The following PARD3 variants were observed in gnomAD, a reference collection of about 807,000 sequenced individuals.
PARD3 encodes the protein par-3 family cell polarity regulator.
Under a neutral mutation model 155.4 loss-of-function variants are expected in PARD3, and 75 were observed. That is an observed-to-expected ratio of 0.48 (90% confidence interval 0.40 to 0.58). The LOEUF is 0.58. PARD3 is among the 20% of genes least tolerant of loss of function. The probability of loss-of-function intolerance (pLI) is 0.00; values close to 1 mark genes in which losing one functional copy is unlikely to be tolerated. For synonymous variants in PARD3, 576 were observed against 610.5 expected, an observed-to-expected ratio of 0.94 and a Z score of 0.83; for missense variants, 1,642 against 1,721.7, an observed-to-expected ratio of 0.95 and a Z score of 0.82.
intron 2 of PARD3, among the ~76,000 whole-genome samples, chr10:34,604,170 G>A (rs1322702513): frequency 2.0e-5 from 3 of 152,152 alleles, no homozygotes; most frequent in African/African-American, 7.2e-5. Context: ...CCAGTTTTCG[G>A]AGGAGAAGGA....
chr10:34,260,495 T>A (rs539503769), intron 22 of PARD3, among the ~76,000 whole-genome samples: 1 of 152,186 alleles, frequency 6.6e-6, no homozygotes, highest in Admixed American at 6.5e-5. Context: ...CAGGCACAGA[T>A]GTGGATGGGC....
chr10:34,500,006 G>C (rs1395374142), intron 3 of PARD3, among the ~76,000 whole-genome samples: 1 of 152,210 alleles, frequency 6.6e-6, no homozygotes, highest in Non-Finnish European at 1.5e-5. Context: ...AAAAAAGTCT[G>C]TACATGTTCA....
intron 2 of PARD3, among the ~76,000 whole-genome samples, chr10:34,605,429 A>G (rs1343707101): frequency 4.4e-4 from 65 of 146,758 alleles, no homozygotes; most frequent in Non-Finnish European, 8.2e-4. Context: ...TCCTGACCTC[A>G]TGATCCGCCC....
chr10:34,601,518 T>A (rs2089780196), intron 2 of PARD3, among the ~76,000 whole-genome samples: 1 of 152,162 alleles, frequency 6.6e-6, no homozygotes, highest in South Asian at 2.1e-4. Flanking sequence ...TAACTAGTTA[T>A]TTATGCTTTA....
intron 4 of PARD3, among the ~76,000 whole-genome samples, chr10:34,455,314 C>T (rs1336289103): frequency 6.6e-6 from 1 of 152,080 alleles, no homozygotes; most frequent in African/African-American, 2.4e-5. Flanking sequence ...TTCAAATATT[C>T]CCGTGTGATG....
At chr10:34,814,439 C>G (rs1844626434) in intron 1 of PARD3, among the ~76,000 whole-genome samples, 1 of 152,172 alleles carries the variant, frequency 6.6e-6, no homozygotes, top group South Asian at 2.1e-4. Flanking sequence ...TCTCCTCACA[C>G]CAAAAGTTCC....
chr10:34,606,844 G>A (rs974974324), intron 2 of PARD3, among the ~76,000 whole-genome samples: 4 of 151,418 alleles, frequency 2.6e-5, no homozygotes, highest in African/African-American at 9.7e-5. Flanking sequence ...GTGCACGCCT[G>A]TAGTCCCAGC....
chr10:34,302,322 T>G (rs1018515550), intron 20 of PARD3, among the ~76,000 whole-genome samples: 4 of 152,196 alleles, frequency 2.6e-5, no homozygotes, highest in Non-Finnish European at 5.9e-5. Context: ...ACCCACAAAG[T>G]ACTTACTTTG....
At chr10:34,210,260 G>A (rs980723148) in intron 22 of PARD3, among the ~76,000 whole-genome samples, 8 of 152,154 alleles carry the variant, frequency 5.3e-5, no homozygotes, top group Non-Finnish European at 1.5e-5. Context: ...AGGTGGTGGA[G>A]AGAAGAGGAA....
chr10:34,470,304 A>G (rs755130955), intron 3 of PARD3, 41 bp from the exon 4 acceptor site: 7 of 1,421,836 alleles, frequency 4.9e-6, no homozygotes, highest in South Asian at 1.5e-5. Context: ...TAAGATACTA[A>G]TGTTGGTAAA....
intron 22 of PARD3, among the ~76,000 whole-genome samples, chr10:34,265,816 C>A (rs1205573121): frequency 6.6e-6 from 1 of 152,192 alleles, no homozygotes; most frequent in East Asian, 1.9e-4. Flanking sequence ...CAGAAGCGGG[C>A]TGAACTTCGT....
chr10:34,516,180 A>G (rs1035911711), intron 3 of PARD3, among the ~76,000 whole-genome samples: 20 of 151,892 alleles, frequency 1.3e-4, no homozygotes, highest in African/African-American at 2.7e-4. Context: ...GGCCAGGCTG[A>G]TCTCAAACTC....
intron 2 of PARD3, among the ~76,000 whole-genome samples, chr10:34,687,735 A>G (rs1018426448): frequency 1.1e-4 from 16 of 152,058 alleles, no homozygotes; most frequent in Admixed American, 1.3e-4. Flanking sequence ...AAGATAGTAA[A>G]AGATGACAAC....
intron 2 of PARD3, among the ~76,000 whole-genome samples, chr10:34,581,234 CTTTTTTTT>C (rs779658592): frequency 9.9e-6 from 1 of 101,274 alleles, no homozygotes; most frequent in African/African-American, 4.2e-5. Context: ...TTTTTCTTTT[CTTTTTTTT>C]TTTTTTTTTT....
intron 19 of PARD3, among the ~76,000 whole-genome samples, chr10:34,319,747 T>C (rs1958264365): frequency 6.6e-6 from 1 of 152,206 alleles, no homozygotes; most frequent in South Asian, 2.1e-4. Context: ...AGGGCTGTAG[T>C]GTGTTGCTTA....
At chr10:34,679,900 A>G (rs1401471422) in intron 2 of PARD3, among the ~76,000 whole-genome samples, 3 of 152,090 alleles carry the variant, frequency 2.0e-5, no homozygotes, top group Non-Finnish European at 4.4e-5. Flanking sequence ...ATACAGACAC[A>G]CAGAGCAGAA....
At chr10:34,769,303 T>A (rs2134077836) in intron 1 of PARD3, among the ~76,000 whole-genome samples, 1 of 152,276 alleles carries the variant, frequency 6.6e-6, no homozygotes, top group South Asian at 2.1e-4. Flanking sequence ...CACAAGCTTA[T>A]CTGCCCACCC....
At chr10:34,757,313 G>T (rs1836865658) in intron 1 of PARD3, among the ~76,000 whole-genome samples, 1 of 152,192 alleles carries the variant, frequency 6.6e-6, no homozygotes, top group Non-Finnish European at 1.5e-5. Context: ...CTGGTTAACA[G>T]AAAGTTGCAA....
intron 22 of PARD3, among the ~76,000 whole-genome samples, chr10:34,236,175 G>C (rs1278430988): frequency 6.6e-6 from 1 of 152,170 alleles, no homozygotes; most frequent in African/African-American, 2.4e-5. Flanking sequence ...AATGGGGAGA[G>C]AGAGCACTTA....
Sources: gnomAD v4.1 joint callset for allele counts (sites outside exome capture counted in the v4.1 genomes callset) on GRCh38, gnomAD v4.1.1 for gene constraint, MANE v1.5 for transcripts, NCBI Gene and HGNC (gene_info 2026-07-23, HGNC 2026-07-21) for gene names.